Variants in EHMT1 observed in about 807,000 individuals in gnomAD.
EHMT1 encodes the protein histone-lysine N-methyltransferase EHMT1.
A neutral mutation model predicts 147.2 loss-of-function variants in EHMT1; 15 were observed. The ratio of observed to expected loss-of-function variants is 0.10; its 90% CI spans 0.07 to 0.16. The LOEUF is 0.16. Among genes scored for constraint, EHMT1 ranks in the 10% least tolerant of loss-of-function variants. The pLI is 1.00. For synonymous variants in EHMT1, 795 were observed against 709.6 expected, an observed-to-expected ratio of 1.12 and a Z score of -1.91; for missense variants, 1,587 against 1,772.4, an observed-to-expected ratio of 0.90 and a Z score of 1.88.
At chr9:137,734,238 A>ATG in intron 4 of EHMT1, among the ~76,000 whole-genome samples, 1 of 152,238 alleles carries the variant, frequency 6.6e-6, no homozygotes, top group East Asian at 1.9e-4. Context: ...GAAGGTATGG[A>ATG]GAGAGTCAAG....
intron 1 of EHMT1, among the ~76,000 whole-genome samples, chr9:137,677,572 C>G (rs981116119): frequency 9.9e-5 from 15 of 151,880 alleles, no homozygotes; most frequent in African/African-American, 3.4e-4. Context: ...ACTATAGGCG[C>G]CCGCCACCAC....
At chr9:137,711,573 T>C (rs568216890) in intron 2 of EHMT1, among the ~76,000 whole-genome samples, 1 of 152,210 alleles carries the variant, frequency 6.6e-6, no homozygotes, top group African/African-American at 2.4e-5. Context: ...ACAGCAGTGG[T>C]TACCAGGAGG....
intron 1 of EHMT1, among the ~76,000 whole-genome samples, chr9:137,705,794 C>G (rs945243845): frequency 6.6e-6 from 1 of 152,190 alleles, no homozygotes; most frequent in African/African-American, 2.4e-5. Context: ...GGGGATGGCC[C>G]TAGAGGGCTG....
intron 18 of EHMT1, among the ~76,000 whole-genome samples, chr9:137,801,881 C>T (rs2137409685): frequency 6.6e-6 from 1 of 152,314 alleles, no homozygotes; most frequent in South Asian, 2.1e-4. Flanking sequence ...GATCTGCCCA[C>T]CTCATCCTCC....
chr9:137,741,133 T>TAC (rs1948038446), intron 4 of EHMT1, among the ~76,000 whole-genome samples: 1 of 152,104 alleles, frequency 6.6e-6, no homozygotes, highest in South Asian at 2.1e-4. Flanking sequence ...CCCGCCACCT[T>TAC]GGCCGGCTAA....
At chr9:137,728,282 G>C (rs1395381781) in intron 3 of EHMT1, 67 bp from the exon 4 acceptor site, 19 of 1,596,216 alleles carry the variant, frequency 1.2e-5, no homozygotes, top group Non-Finnish European at 1.5e-5. Flanking sequence ...CTGTGATTTT[G>C]GTTGCATGTT....
chr9:137,623,032 G>C (rs1490232208), intron 1 of EHMT1, among the ~76,000 whole-genome samples: 2 of 151,800 alleles, frequency 1.3e-5, no homozygotes, highest in South Asian at 2.1e-4. Flanking sequence ...AACACACAGT[G>C]AAACCCTGTC....
At chr9:137,777,845 G>A (rs1190968648) in intron 12 of EHMT1, 37 bp from the exon 13 acceptor site, 2 of 1,610,310 alleles carry the variant, frequency 1.2e-6, no homozygotes, top group Non-Finnish European at 1.7e-6. Context: ...CATGTTTCGT[G>A]TTTTCATAAA....
chr9:137,762,042 C>G lies in EHMT1; in HGVS notation c.1502-633C>G, dbSNP rs1331961342. ...AGCCCTGGCTGTGCTGGGACGGGCC[C>G]AAGGCCGCCTGCCTGACCATGGCCC... On this transcript the variant is annotated intron_variant, in intron 9 of 26. Coordinates refer to ENST00000460843, the MANE Select transcript of EHMT1 (RefSeq NM_024757.5). Among the ~76,000 whole-genome samples the G allele has an allele frequency of 2.0e-5, 3 of 152,230 alleles. No homozygotes were observed. In the East Asian group the frequency reaches 5.8e-4, roughly 29 times the overall value.
chr9:137,761,664 G>A (rs1017973958), intron 9 of EHMT1, among the ~76,000 whole-genome samples: 10 of 151,726 alleles, frequency 6.6e-5, no homozygotes, highest in Non-Finnish European at 1.5e-4. Flanking sequence ...TCACCATGTT[G>A]TCCAGGAGGG....
In EHMT1 at chr9:137,752,396, C is replaced by T. The variant is rs374067222; in HGVS notation, c.1236C>T (p.Asp412=). The part of the protein sequence containing the change: ...VDTGEEEEGG[D]ESDLSSESSI... The stretch of plus-strand genomic sequence containing the variant: ...CCGGGGAGGAGGAGGAAGGCGGTGA[C>T]GAGTCTGACCTGGTAATGCCCAGCG... The change falls in exon 7 of 27, where the codon GAC becomes GAT. Residue 412 remains aspartate, a synonymous_variant. Transcript: ENST00000460843. 3.1e-6 allele frequency: 5 copies of T among 1,613,920 alleles called. No homozygotes were observed. Among genetic ancestry groups the T allele is most frequent in the Admixed American group, 1.7e-5 (1 of 60,002 alleles).
chr9:137,674,452 C>T (rs561185496), intron 1 of EHMT1, among the ~76,000 whole-genome samples: 1 of 152,230 alleles, frequency 6.6e-6, no homozygotes, highest in African/African-American at 2.4e-5. Flanking sequence ...GAGAATCTCA[C>T]TGTTGGCCAG....
chr9:137,640,194 CA>C (rs1476981303), intron 1 of EHMT1, among the ~76,000 whole-genome samples: 1 of 152,218 alleles, frequency 6.6e-6, no homozygotes, highest in African/African-American at 2.4e-5. Flanking sequence ...CTCGGCCTCC[CA>C]AAGTGCTGGG....
Position 137,779,520 on chromosome 9 carries a change from G to A in EHMT1, c.2193-115G>A, listed in dbSNP as rs188903851. 159 of 1,071,684 alleles carry A rather than the reference G, an allele frequency of 1.5e-4. No individual in the cohort carries two copies. The African/African-American group carries it at 2.0e-3, about 13-fold the overall frequency. The allele number at this position is 1,071,684 out of a possible 1,614,324, so 66.4% of individuals were successfully genotyped here. ...GCCTTCAGCTTCATGTGTGGGACGC[G>A]GAGCCCCATGAGCTTGAGGGGCTGG... On this transcript the variant is annotated intron_variant, in intron 13 of 26. Coordinates refer to ENST00000460843, the MANE Select transcript of EHMT1 (RefSeq NM_024757.5).
At chr9:137,627,116 G>C (rs1280883275) in intron 1 of EHMT1, among the ~76,000 whole-genome samples, 1 of 151,742 alleles carries the variant, frequency 6.6e-6, no homozygotes, top group Non-Finnish European at 1.5e-5. Flanking sequence ...GCGCCACCAC[G>C]CTCGGCTAAT....
intron 18 of EHMT1, among the ~76,000 whole-genome samples, chr9:137,810,728 C>G (rs1186952159): frequency 3.4e-5 from 5 of 148,630 alleles, no homozygotes; most frequent in Non-Finnish European, 5.9e-5. Context: ...GACAGAGTTT[C>G]GCTCTTGTTG....
At position 137,814,287 on chromosome 9, in the gene EHMT1, T is replaced by C; in HGVS notation, c.3181-144T>C. ...GTTTCTGCCTGCACAGCCTTCTCCC[T>C]AAGAGGCCACACACTCACGTGGTGC... On this transcript the variant is annotated intron_variant, in intron 21 of 26. Coordinates refer to ENST00000460843, the MANE Select transcript of EHMT1 (RefSeq NM_024757.5). 6 of 859,238 alleles carry C rather than the reference T, an allele frequency of 7.0e-6. 1 individual carries two copies. The highest frequency in any genetic ancestry group is 7.7e-6 in the Non-Finnish European group (4 of 516,968). 53.2% of individuals were successfully genotyped at this position (859,238 alleles called of 1,614,324 possible).
At chr9:137,762,084 A>G (rs7028824) in intron 9 of EHMT1, among the ~76,000 whole-genome samples, 9,993 of 152,214 alleles carry the variant, frequency 0.066, 1,069 homozygotes, top group African/African-American at 0.23. Context: ...AGCCTTCCCT[A>G]TGGACTATGC....
intron 6 of EHMT1, among the ~76,000 whole-genome samples, chr9:137,749,753 A>G (rs1948828116): frequency 6.6e-6 from 1 of 152,204 alleles, no homozygotes; most frequent in Non-Finnish European, 1.5e-5. Context: ...TCGCTTTGCC[A>G]GAGTTTTGGA....
Sources: gnomAD v4.1 joint callset for allele counts (sites outside exome capture counted in the v4.1 genomes callset) on GRCh38, gnomAD v4.1.1 for gene constraint, MANE v1.5 for transcripts, NCBI Gene and HGNC (gene_info 2026-07-23, HGNC 2026-07-21) for gene names.